Variants in STOX2 observed in about 807,000 individuals in gnomAD.
STOX2 encodes storkhead box 2, also known as storkhead-box protein 2.
A neutral mutation model predicts 60.9 loss-of-function variants in STOX2; 28 were observed. The observed-to-expected ratio is 0.46, with a 90% CI of 0.34 to 0.63. The LOEUF is 0.63. STOX2 is among the 30% of genes least tolerant of loss of function. The pLI, the probability that STOX2 is intolerant of heterozygous loss-of-function variation, is 0.01. For synonymous variants in STOX2, 472 were observed against 463.9 expected (o/e 1.02, Z -0.22); for missense variants, 1,024 against 1,187.7 (o/e 0.86, Z 2.03).
intron 1 of STOX2, among the ~76,000 whole-genome samples, chr4:183,923,505 C>T (rs751741457): frequency 6.6e-6 from 1 of 152,184 alleles, no homozygotes; most frequent in Non-Finnish European, 1.5e-5. Context: ...TGATTAATAA[C>T]CAACACGGAA....
intron 1 of STOX2, among the ~76,000 whole-genome samples, chr4:183,870,170 T>G (rs1472281982): frequency 6.6e-6 from 1 of 152,240 alleles, no homozygotes. Flanking sequence ...TGTTATGTTG[T>G]TATATACTCT....
At chr4:183,799,298 A>G (rs1284812461) in intron 1 of STOX2, among the ~76,000 whole-genome samples, 1 of 152,150 alleles carries the variant, frequency 6.6e-6, no homozygotes, top group Non-Finnish European at 1.5e-5. Context: ...GATTTTCTCA[A>G]TTCTTTTGAC....
chr4:183,929,596 C>T (rs1336368564), intron 1 of STOX2, among the ~76,000 whole-genome samples: 1 of 152,174 alleles, frequency 6.6e-6, no homozygotes, highest in Non-Finnish European at 1.5e-5. Flanking sequence ...CTGGGTTCTT[C>T]TGAGCCTTTT....
At chr4:183,880,492 G>A (rs150497623) in intron 1 of STOX2, among the ~76,000 whole-genome samples, 99 of 152,340 alleles carry the variant, frequency 6.5e-4, no homozygotes, top group African/African-American at 2.2e-3. Context: ...TTGATTGAAA[G>A]CTACTGTTAG....
intron 1 of STOX2, among the ~76,000 whole-genome samples, chr4:183,911,011 C>G (rs1452045757): frequency 6.6e-6 from 1 of 152,162 alleles, no homozygotes; most frequent in Non-Finnish European, 1.5e-5. Context: ...CTGCCACAAA[C>G]CAGCTGTGTC....
intron 1 of STOX2, among the ~76,000 whole-genome samples, chr4:183,991,033 T>C (rs1457706974): frequency 1.3e-5 from 2 of 152,178 alleles, no homozygotes; most frequent in African/African-American, 2.4e-5. Context: ...AGAGTACTTA[T>C]TTAAGTCCTG....
intron 1 of STOX2, among the ~76,000 whole-genome samples, chr4:183,858,829 C>T (rs1226334518): frequency 6.6e-6 from 1 of 152,224 alleles, no homozygotes; most frequent in South Asian, 2.1e-4. Flanking sequence ...GATTGCTTTT[C>T]TGGATCTAGA....
rs1262570028 is a variant in STOX2, at chr4:184,010,179, T to C, written c.1341T>C (p.Ala447=). The C allele has an allele frequency of 3.9e-6, 6 of 1,556,006 alleles. No homozygotes were observed. The South Asian group carries it at 7.1e-5, about 18-fold the overall frequency. Residue 447 remains alanine (A), a synonymous_variant, in exon 3 of 4, where the codon GCT becomes GCC. Coordinates refer to ENST00000308497, the MANE Select transcript of STOX2 (RefSeq NM_020225.3). The surrounding 1 kb of genome is among the most constrained non-coding windows in gnomAD (Gnocchi z 4.5). ...TPEWDVSGEL[A]KRRTEMPFPE... is the part of the protein sequence containing the mutation. ...AATGGGATGTGTCTGGTGAATTGGC[T>C]AAAAGGAGAACTGAGATGCCTTTTC... is the stretch of plus-strand genomic sequence containing the variant.
At chr4:183,833,926 G>A (rs1280966163) in intron 1 of STOX2, among the ~76,000 whole-genome samples, 1 of 143,868 alleles carries the variant, frequency 7.0e-6, no homozygotes, top group Non-Finnish European at 1.5e-5. Context: ...AGCTTGCAGT[G>A]AGCCGAGATC....
chr4:183,874,952 A>AAAAT (rs1740788891), intron 1 of STOX2, among the ~76,000 whole-genome samples: 4 of 44,612 alleles, frequency 9.0e-5, no homozygotes, highest in African/African-American at 3.6e-4. Flanking sequence ...AAAAAAAAAA[A>AAAAT]ATATATATAT....
intron 1 of STOX2, among the ~76,000 whole-genome samples, chr4:183,888,688 T>C (rs1741139123): frequency 2.6e-5 from 4 of 152,202 alleles, no homozygotes; most frequent in Admixed American, 2.6e-4. Context: ...GCCCTGGGGC[T>C]TGGCAAAGCA....
In STOX2 at chr4:183,865,874, C is replaced by T. The variant is rs1740552233; in HGVS notation, c.364+67819C>T. 6.6e-6 allele frequency among the ~76,000 whole-genome samples: 1 copy of T among 152,090 alleles called. No homozygotes were observed. On this transcript the variant is annotated intron_variant, in intron 1 of 2. Coordinates refer to the STOX2 transcript ENST00000513034. The surrounding 1 kb of genome is among the most constrained non-coding windows in gnomAD (Gnocchi z 4.1). ...TGGAAGGCTTTTTTCTTTTTAACCACTTAGGCATTGTGAGTCCATTAAAAC... is the reference window on the plus strand; with the variant it reads ...TGGAAGGCTTTTTTCTTTTTAACCATTTAGGCATTGTGAGTCCATTAAAAC...
At chr4:183,862,709 T>C (rs1011588030) in intron 1 of STOX2, among the ~76,000 whole-genome samples, 13 of 152,196 alleles carry the variant, frequency 8.5e-5, no homozygotes, top group Non-Finnish European at 1.8e-4. Context: ...ATACAGGCTT[T>C]GGGGGCAAAT....
At chr4:183,891,127 A>T (rs916037017) in intron 1 of STOX2, among the ~76,000 whole-genome samples, 2 of 151,782 alleles carry the variant, frequency 1.3e-5, no homozygotes, top group African/African-American at 2.4e-5. Flanking sequence ...AAAAAATAAT[A>T]ATCCAATGTG....
intron 1 of STOX2, among the ~76,000 whole-genome samples, chr4:183,849,648 A>G (rs551305754): frequency 2.0e-5 from 3 of 152,326 alleles, no homozygotes; most frequent in Admixed American, 1.3e-4. Flanking sequence ...AATTGATTAT[A>G]TGAGATTGGG....
intron 1 of STOX2, among the ~76,000 whole-genome samples, chr4:183,911,506 G>C (rs1383618757): frequency 6.6e-6 from 1 of 152,188 alleles, no homozygotes; most frequent in Admixed American, 6.5e-5. Context: ...ATTACACTTG[G>C]TGGTGAATGA....
chr4:183,948,782 T>G (rs955148937), intron 1 of STOX2, among the ~76,000 whole-genome samples: 4 of 152,096 alleles, frequency 2.6e-5, no homozygotes, highest in Non-Finnish European at 5.9e-5. Context: ...TTCACCCGCC[T>G]CAGCCTCCCA....
intron 1 of STOX2, among the ~76,000 whole-genome samples, chr4:183,966,989 G>A (rs953339374): frequency 6.6e-6 from 1 of 152,154 alleles, no homozygotes; most frequent in African/African-American, 2.4e-5. Flanking sequence ...ACAAAGTGAC[G>A]TGACATGTAG....
At chr4:184,006,976 A>C (rs1157620641) in intron 2 of STOX2, among the ~76,000 whole-genome samples, 4 of 132,328 alleles carry the variant, frequency 3.0e-5, no homozygotes, top group Admixed American at 8.6e-5. Flanking sequence ...AGATCCCGCC[A>C]CTGCACTCCA....
Sources: allele counts gnomAD v4.1 joint callset (sites outside exome capture counted in the v4.1 genomes callset), GRCh38; gene constraint gnomAD v4.1.1; non-coding constraint Gnocchi (gnomAD v3.1); transcripts MANE v1.5; gene names NCBI Gene and HGNC (gene_info 2026-07-23, HGNC 2026-07-21).